The following SLAMF9 variants were observed in gnomAD, a reference collection of about 807,000 sequenced individuals.
SLAMF9 encodes SLAM family member 9.
A neutral mutation model predicts 30.4 loss-of-function variants in SLAMF9; 25 were observed. That is an observed-to-expected ratio of 0.82 (90% confidence interval 0.60 to 1.15). The LOEUF is 1.15. Ranked by LOEUF, SLAMF9 falls within the 50% of genes most tolerant of loss-of-function variation. The pLI is 0.00. For synonymous variants in SLAMF9, 129 were observed against 127.2 expected, an observed-to-expected ratio of 1.01 and a Z score of -0.09; for missense variants, 344 against 346.1, an observed-to-expected ratio of 0.99 and a Z score of 0.05.
upstream of SLAMF9, among the ~76,000 whole-genome samples, chr1:159,955,701 G>A (rs1486670541): frequency 6.6e-6 from 1 of 152,196 alleles, no homozygotes; most frequent in Non-Finnish European, 1.5e-5. Context: ...TCTTACCAAA[G>A]GAATAATTGA....
the SLAMF9 span, among the ~76,000 whole-genome samples, chr1:159,963,547 T>C: frequency 6.6e-6 from 1 of 152,080 alleles, no homozygotes; most frequent in Non-Finnish European, 1.5e-5. Context: ...GGGCAACCCA[T>C]TCCTTGTCTC....
chr1:159,952,624 C>G, intron 2 of SLAMF9, 90 bp from the exon 3 acceptor site: 1 of 1,364,482 alleles, frequency 7.3e-7, no homozygotes, highest in Non-Finnish European at 1.0e-6. Context: ...ACTAATGCTA[C>G]CCCTTGACAG....
At chr1:159,962,073 G>A in the SLAMF9 span, among the ~76,000 whole-genome samples, 1 of 151,964 alleles carries the variant, frequency 6.6e-6, no homozygotes, top group Non-Finnish European at 1.5e-5. Context: ...CAGGAGAATT[G>A]CTTGAACCCA....
chr1:159,974,275 C>T, the SLAMF9 span, among the ~76,000 whole-genome samples: 1 of 152,206 alleles, frequency 6.6e-6, no homozygotes, highest in African/African-American at 2.4e-5. Flanking sequence ...TTCTCTCCTT[C>T]CTCTTCTCTT....
chr1:159,966,481 G>C, the SLAMF9 span, among the ~76,000 whole-genome samples: 1 of 152,184 alleles, frequency 6.6e-6, no homozygotes, highest in African/African-American at 2.4e-5. Context: ...TATATTCTCA[G>C]AAGTGGGATA....
chr1:159,978,292 C>T, the SLAMF9 span, among the ~76,000 whole-genome samples: 244 of 151,924 alleles, frequency 1.6e-3, no homozygotes, highest in Non-Finnish European at 2.7e-3. Flanking sequence ...TGGGGGCAGG[C>T]GAGGGGAACT....
chr1:159,983,606 T>C, the SLAMF9 span: 3 of 152,244 alleles, frequency 2.0e-5, no homozygotes, highest in Non-Finnish European at 4.4e-5. Flanking sequence ...GAAATACTAT[T>C]GTTAGGAAGG....
chr1:159,977,132 T>C, the SLAMF9 span: 1 of 152,166 alleles, frequency 6.6e-6, no homozygotes, highest in African/African-American at 2.4e-5. Flanking sequence ...TGGACAAGTA[T>C]AGCTACCTGG....
chr1:159,978,155 G>T, the SLAMF9 span, among the ~76,000 whole-genome samples: 24 of 152,234 alleles, frequency 1.6e-4, no homozygotes, highest in African/African-American at 5.5e-4. Context: ...GGTCTCCACA[G>T]AGTGAGCCCA....
the SLAMF9 span, among the ~76,000 whole-genome samples, chr1:159,962,680 G>A: frequency 5.3e-5 from 8 of 152,160 alleles, no homozygotes; most frequent in African/African-American, 9.7e-5. Flanking sequence ...GCAGTTAAGG[G>A]AAGGCCTGCA....
chr1:159,973,505 C>CT, the SLAMF9 span, among the ~76,000 whole-genome samples: 1 of 152,190 alleles, frequency 6.6e-6, no homozygotes, highest in Non-Finnish European at 1.5e-5. Flanking sequence ...CAGAGGGGGC[C>CT]TTCGAGGTCC....
chr1:159,973,250 G>T, the SLAMF9 span: 1 of 904,752 alleles, frequency 1.1e-6, no homozygotes, highest in Non-Finnish European at 1.8e-6. Flanking sequence ...CAGGAGTGGG[G>T]GCGACACTCA....
chr1:159,966,740 C>T, the SLAMF9 span, among the ~76,000 whole-genome samples: 3 of 152,030 alleles, frequency 2.0e-5, no homozygotes, highest in South Asian at 6.2e-4. Context: ...TTTTAATGAA[C>T]CTGTTAGCCA....
the SLAMF9 span, among the ~76,000 whole-genome samples, chr1:159,977,771 C>T: frequency 3.3e-5 from 5 of 152,210 alleles, no homozygotes; most frequent in Non-Finnish European, 5.9e-5. Flanking sequence ...GCCATCTACA[C>T]CTCAGCCAGA....
At chr1:159,976,960 G>GAAAGAAAGAAGGAA in the SLAMF9 span, 4 of 101,804 alleles carry the variant, frequency 3.9e-5, no homozygotes, top group Non-Finnish European at 8.2e-5. Flanking sequence ...AAGAAAGAAA[G>GAAAGAAAGAAGGAA]AGAAAGAAAG....
chr1:159,980,008 G>A, the SLAMF9 span, among the ~76,000 whole-genome samples: 1 of 152,182 alleles, frequency 6.6e-6, no homozygotes, highest in Non-Finnish European at 1.5e-5. Flanking sequence ...GCACAGAATC[G>A]GCGTGGGGAG....
chr1:159,976,297 A>G, the SLAMF9 span, among the ~76,000 whole-genome samples: 51 of 152,350 alleles, frequency 3.3e-4, 1 homozygote, highest in South Asian at 0.011. Context: ...AGAACAAGGT[A>G]GATCCATAAA....
At chr1:159,974,331 T>C in the SLAMF9 span, among the ~76,000 whole-genome samples, 7 of 152,178 alleles carry the variant, frequency 4.6e-5, no homozygotes, top group African/African-American at 1.7e-4. Flanking sequence ...TTTTTCTCTC[T>C]CCCTGATCCT....
chr1:159,963,594 A>T, the SLAMF9 span, among the ~76,000 whole-genome samples: 1 of 152,190 alleles, frequency 6.6e-6, no homozygotes, highest in Non-Finnish European at 1.5e-5. Flanking sequence ...TCATGCACAT[A>T]CATACCCTTT....
Sources: allele counts gnomAD v4.1 joint callset (sites outside exome capture counted in the v4.1 genomes callset), GRCh38; gene constraint gnomAD v4.1.1; transcripts MANE v1.5; gene names NCBI Gene and HGNC (gene_info 2026-07-23, HGNC 2026-07-21).